The following MRTFB variants were observed in gnomAD, a reference collection of about 807,000 sequenced individuals.
The protein encoded by MRTFB is myocardin-related transcription factor B.
MRTFB carries 29 observed loss-of-function variants against 104.2 expected under a neutral mutation model. The ratio of observed to expected loss-of-function variants is 0.28; its 90% CI spans 0.21 to 0.38. MRTFB has a LOEUF of 0.38. Among genes scored for constraint, MRTFB ranks in the 10% least tolerant of loss-of-function variants. The probability of loss-of-function intolerance (pLI) is 1.00; values close to 1 mark genes in which losing one functional copy is unlikely to be tolerated. For synonymous variants in MRTFB, 535 were observed against 519.5 expected (o/e 1.03, Z -0.41); for missense variants, 1,270 against 1,341.6 (o/e 0.95, Z 0.83).
intron 2 of MRTFB, among the ~76,000 whole-genome samples, chr16:14,105,400 T>A (rs568452628): frequency 2.1e-4 from 31 of 149,872 alleles, no homozygotes; most frequent in Non-Finnish European, 4.0e-4. Flanking sequence ...CCTTCTCTTA[T>A]GATTTTTTTT....
At chr16:14,102,406 G>A (rs2035751748) in intron 2 of MRTFB, among the ~76,000 whole-genome samples, 1 of 152,160 alleles carries the variant, frequency 6.6e-6, no homozygotes, top group African/African-American at 2.4e-5. Flanking sequence ...CTTTCTTCCA[G>A]TTGGGGGTGA....
At chr16:14,137,769 T>G (rs2037796102) in intron 2 of MRTFB, among the ~76,000 whole-genome samples, 1 of 152,142 alleles carries the variant, frequency 6.6e-6, no homozygotes, top group African/African-American at 2.4e-5. Flanking sequence ...CTATCCATTT[T>G]CCACCCTATT....
chr16:14,262,045 T>C lies in MRTFB; in HGVS notation c.*601T>C, dbSNP rs2043799813. 6.6e-6 allele frequency: 1 copy of C among 152,264 alleles called. No homozygotes were observed. Among genetic ancestry groups the C allele is most frequent in the Admixed American group, 6.5e-5 (1 of 15,286 alleles). 9.4% of individuals were successfully genotyped at this position (152,264 alleles called of 1,614,324 possible). A position where few individuals can be genotyped will look rare whatever the true frequency, so the allele number is the denominator to read the frequency against. On this transcript the variant is annotated 3_prime_UTR_variant, in exon 17 of 17. Transcript: ENST00000571589. ...GTTTTTTTGGTGTTGTAGTTTATTT[T>C]GTGATTTTTTGGAATCGTACTTTAT...
At chr16:14,066,997 G>T (rs893047658), upstream of MRTFB, among the ~76,000 whole-genome samples, 1 of 151,902 alleles carries the variant, frequency 6.6e-6, no homozygotes, top group African/African-American at 2.4e-5. Flanking sequence ...TTTGTTTGTT[G>T]TTTTCAAAGA....
chr16:14,218,478 A>G (rs1308649623), intron 7 of MRTFB, among the ~76,000 whole-genome samples: 1 of 148,408 alleles, frequency 6.7e-6, no homozygotes, highest in Non-Finnish European at 1.5e-5. Context: ...TTTTTTTCTT[A>G]TTTGTTGAGA....
At chr16:14,209,805 C>T (rs750547031) in intron 3 of MRTFB, among the ~76,000 whole-genome samples, 6 of 152,118 alleles carry the variant, frequency 3.9e-5, no homozygotes, top group Non-Finnish European at 8.8e-5. Flanking sequence ...ATGCAAGCAG[C>T]CTTCCTTAAA....
intron 8 of MRTFB, among the ~76,000 whole-genome samples, chr16:14,224,094 C>G (rs143100761): frequency 6.6e-6 from 1 of 152,080 alleles, no homozygotes; most frequent in African/African-American, 2.4e-5. Flanking sequence ...CAGGAGAGAG[C>G]GAGCGAGCAC....
At chr16:14,115,458 A>G (rs927136095) in intron 2 of MRTFB, among the ~76,000 whole-genome samples, 4 of 152,210 alleles carry the variant, frequency 2.6e-5, no homozygotes, top group Admixed American at 1.3e-4. Context: ...ACAAATAATC[A>G]TTCAGTAACC....
intron 3 of MRTFB, among the ~76,000 whole-genome samples, chr16:14,187,197 G>A (rs145674700): frequency 2.6e-4 from 39 of 152,288 alleles, no homozygotes; most frequent in African/African-American, 9.4e-4. Flanking sequence ...GCTGTTCTGG[G>A]TAGCTGTTAC....
chr16:14,016,890 T>G, the MRTFB span, among the ~76,000 whole-genome samples: 1 of 151,666 alleles, frequency 6.6e-6, no homozygotes, highest in South Asian at 2.1e-4. Flanking sequence ...GCCAATTAGA[T>G]CATCACATTC....
chr16:14,161,085 CTTTTTTTTT>C (rs57360069), intron 3 of MRTFB, among the ~76,000 whole-genome samples: 20 of 53,130 alleles, frequency 3.8e-4, no homozygotes, highest in Non-Finnish European at 5.8e-4. Flanking sequence ...AATGCCAGGA[CTTTTTTTTT>C]TTTTTTTTTT....
In MRTFB at chr16:14,143,930, C is replaced by G. The variant is rs1001610988; in HGVS notation, c.154+3170C>G. On this transcript the variant is annotated intron_variant, in intron 3 of 16. Transcript: ENST00000571589. ...TGTCCCTTACCTGCACAGTTACTTT[C>G]CCAGAATTAACTGTTACTAGTGTTC... The G allele has an allele frequency of 1.1e-4, 16 of 152,150 alleles. 1 individual carries two copies. The highest frequency in any genetic ancestry group is 5.9e-4 in the Admixed American group (9 of 15,278). The allele number at this position is 152,150 out of a possible 1,614,324, so 9.4% of individuals were successfully genotyped here. A position where few individuals can be genotyped will look rare whatever the true frequency, so the allele number is the denominator to read the frequency against.
chr16:14,219,126 G>A, intron 8 of MRTFB, 128 bp downstream of exon 8: 1 of 1,015,616 alleles, frequency 9.8e-7, no homozygotes, highest in Non-Finnish European at 1.3e-6. Flanking sequence ...TAAGCAAAAA[G>A]CAGGCACTTA....
At chr16:14,191,058 C>T (rs533656562) in intron 3 of MRTFB, among the ~76,000 whole-genome samples, 3 of 152,078 alleles carry the variant, frequency 2.0e-5, no homozygotes, top group East Asian at 1.9e-4. Flanking sequence ...GGAAATACAT[C>T]GAGATTAAAT....
intron 3 of MRTFB, 71 bp from the exon 4 acceptor site, chr16:14,210,169 TCTC>T: frequency 9.0e-7 from 1 of 1,106,860 alleles, no homozygotes; most frequent in Non-Finnish European, 1.3e-6. Context: ...CTTAATTGCA[TCTC>T]CTCTGGAATC....
At chr16:14,206,355 G>A (rs1234704092) in intron 3 of MRTFB, among the ~76,000 whole-genome samples, 1 of 152,158 alleles carries the variant, frequency 6.6e-6, no homozygotes, top group Non-Finnish European at 1.5e-5. Context: ...CTCTGTCTAA[G>A]GTGCAGATAT....
At chr16:14,057,569 C>A in the MRTFB span, among the ~76,000 whole-genome samples, 2 of 152,158 alleles carry the variant, frequency 1.3e-5, no homozygotes, top group Non-Finnish European at 2.9e-5. Flanking sequence ...TACAAAAAGC[C>A]AAGCTTACAT....
intron 2 of MRTFB, among the ~76,000 whole-genome samples, chr16:14,138,839 A>G (rs1162829740): frequency 6.6e-6 from 1 of 152,270 alleles, no homozygotes; most frequent in Non-Finnish European, 1.5e-5. Flanking sequence ...CAATCTTGTC[A>G]ACAAATGATG....
chr16:14,149,802 T>C (rs968835881), intron 3 of MRTFB, among the ~76,000 whole-genome samples: 1 of 151,880 alleles, frequency 6.6e-6, no homozygotes, highest in Admixed American at 6.6e-5. Context: ...TACAGAAAAA[T>C]GATTGGAGAT....
Sources: gnomAD v4.1 joint callset for allele counts (sites outside exome capture counted in the v4.1 genomes callset) on GRCh38, gnomAD v4.1.1 for gene constraint, MANE v1.5 for transcripts, NCBI Gene and HGNC (gene_info 2026-07-23, HGNC 2026-07-21) for gene names.